Variants in PTPRN2 observed in about 807,000 individuals in gnomAD.
The protein encoded by PTPRN2 is protein tyrosine phosphatase receptor type N2.
Under a neutral mutation model 118.8 loss-of-function variants are expected in PTPRN2, and 74 were observed. That is an observed-to-expected ratio of 0.62 (90% CI 0.52 to 0.76). The LOEUF is 0.76. Among genes scored for constraint, PTPRN2 ranks in the 30% least tolerant of loss-of-function variants. The pLI, the probability that PTPRN2 is intolerant of heterozygous loss-of-function variation, is 0.00. For synonymous variants in PTPRN2, 641 were observed against 608.0 expected, an observed-to-expected ratio of 1.05 and a Z score of -0.80; for missense variants, 1,481 against 1,394.4, an observed-to-expected ratio of 1.06 and a Z score of -0.99.
At chr7:157,739,519 T>C (rs1043753721) in intron 12 of PTPRN2, 1 of 152,198 alleles carries the variant, frequency 6.6e-6, no homozygotes, top group African/African-American at 2.4e-5. Context: ...TTGAGGGTAG[T>C]ATCTTGGAGT....
At chr7:158,500,952 A>C (rs1822315981) in intron 1 of PTPRN2, among the ~76,000 whole-genome samples, 1 of 152,230 alleles carries the variant, frequency 6.6e-6, no homozygotes, top group South Asian at 2.1e-4. Context: ...AGCGGCTTGC[A>C]CACGCGAGGG....
Position 158,340,801 on chromosome 7 carries a change from C to T in PTPRN2, c.164-23869G>A, listed in dbSNP as rs1263573597. Among the ~76,000 whole-genome samples the T allele has an allele frequency of 2.3e-5, 2 of 86,404 alleles. 1 individual carries two copies. The highest frequency in any genetic ancestry group is 9.4e-5 in the African/African-American group (2 of 21,306). 56.7% of individuals were successfully genotyped at this position (86,404 alleles called of 152,430 possible). On this transcript the variant is annotated intron_variant, in intron 2 of 22. Coordinates refer to ENST00000389418, the MANE Select transcript of PTPRN2 (RefSeq NM_002847.5). ...TAATTGGTGACACCTGCAGACGTCA[C>T]TCACACCCACACATGTCACTCACAC...
At chr7:157,561,077 C>T (rs1234917242) in intron 21 of PTPRN2, among the ~76,000 whole-genome samples, 4 of 152,150 alleles carry the variant, frequency 2.6e-5, no homozygotes, top group African/African-American at 4.8e-5. Flanking sequence ...CTCTTAGTCC[C>T]GCACTGCCTG....
At chr7:157,885,277 C>T (rs568010741) in intron 12 of PTPRN2, among the ~76,000 whole-genome samples, 20 of 152,282 alleles carry the variant, frequency 1.3e-4, no homozygotes, top group African/African-American at 2.2e-4. Flanking sequence ...TTCACTGTCT[C>T]GGGAGCAAGG....
In PTPRN2 at chr7:157,785,882, G is replaced by GT. The variant is rs372451314; in HGVS notation, c.1789-102946dup. On this transcript the variant is annotated intron_variant, in intron 12 of 22. Transcript: ENST00000389418. This position sits in a 1 kb window ranked among gnomAD's most constrained non-coding sequence, Gnocchi z 7.3. ...GTTTTCCTGGAGTTCATAATCACTG[G>GT]TTTTTTTTGTGTGCGTGTTCACCAG... 1.3e-4 allele frequency among the ~76,000 whole-genome samples: 20 copies of GT among 151,992 alleles called. No individual in the cohort carries two copies. The highest frequency in any genetic ancestry group is 2.4e-4 in the African/African-American group (10 of 41,488).
intron 1 of PTPRN2, among the ~76,000 whole-genome samples, chr7:158,571,521 A>ATTTC (rs145109547): frequency 8.4e-6 from 1 of 119,666 alleles, no homozygotes; most frequent in African/African-American, 3.1e-5. Flanking sequence ...ACACACACCT[A>ATTTC]TTTCTTTTTT....
chr7:158,105,896 G>A (rs575896513), intron 10 of PTPRN2, among the ~76,000 whole-genome samples: 16 of 148,758 alleles, frequency 1.1e-4, no homozygotes, highest in Admixed American at 2.0e-4. Context: ...CTCTATACCC[G>A]GCTCCATCAC....
At chr7:157,758,636 C>T (rs1339795093) in intron 12 of PTPRN2, among the ~76,000 whole-genome samples, 2 of 152,208 alleles carry the variant, frequency 1.3e-5, no homozygotes, top group Non-Finnish European at 2.9e-5. Flanking sequence ...CCCTGGAGGA[C>T]GGGACTGGCA....
chr7:158,055,967 C>T lies in PTPRN2; in HGVS notation c.1723+25331G>A, dbSNP rs192276310. ...CTGTGGGGCTGGACCCTACACAGAG[C>T]GACACTTCTAACGGGGCCCTGTTCC... On this transcript the variant is annotated intron_variant, in intron 11 of 22. Transcript: ENST00000389418. Among the ~76,000 whole-genome samples, 736 of 152,296 alleles carry T rather than the reference C, an allele frequency of 4.8e-3. 8 individuals are homozygous for T. The highest frequency in any genetic ancestry group is 0.017 in the African/African-American group (700 of 41,560).
At chr7:157,637,946 T>G (rs953021906) in intron 14 of PTPRN2, among the ~76,000 whole-genome samples, 16 of 152,268 alleles carry the variant, frequency 1.1e-4, no homozygotes, top group Admixed American at 1.0e-3. Flanking sequence ...GAGACATGCA[T>G]GTCTTCTTCC....
intron 9 of PTPRN2, 27 bp from the exon 10 acceptor site, chr7:158,110,942 C>T: frequency 1.3e-6 from 2 of 1,531,292 alleles, no homozygotes; most frequent in South Asian, 2.4e-5. Flanking sequence ...GGATGGGGAG[C>T]AGTCACCACA....
intron 1 of PTPRN2, chr7:158,540,017 G>A (rs574115098): frequency 2.9e-5 from 8 of 271,534 alleles, no homozygotes; most frequent in East Asian, 1.3e-4. Flanking sequence ...AGCTGGTGAC[G>A]GCTGGGGACA....
chr7:157,660,636 A>G (rs892436468), intron 13 of PTPRN2, among the ~76,000 whole-genome samples: 5 of 152,232 alleles, frequency 3.3e-5, no homozygotes, highest in Admixed American at 3.3e-4. Flanking sequence ...GAAAGCCTCA[A>G]GCATTCATGA....
intron 4 of PTPRN2, among the ~76,000 whole-genome samples, chr7:158,195,450 G>A (rs1254676308): frequency 1.3e-5 from 2 of 151,866 alleles, no homozygotes; most frequent in African/African-American, 4.8e-5. Flanking sequence ...TCTTTTTTAG[G>A]GGGCTTATTG....
chr7:158,145,421 C>T (rs938942518), intron 6 of PTPRN2, among the ~76,000 whole-genome samples: 2 of 152,244 alleles, frequency 1.3e-5, no homozygotes, highest in African/African-American at 4.8e-5. Context: ...ACAGTGAGCG[C>T]CACACTCAAC....
chr7:158,532,905 C>T (rs1825361684), intron 1 of PTPRN2: 13 of 483,982 alleles, frequency 2.7e-5, no homozygotes, highest in Admixed American at 2.5e-4. Context: ...GGCCAGGCTC[C>T]ACCACACCTG....
chr7:158,352,048 A>T (rs71544576), intron 2 of PTPRN2, among the ~76,000 whole-genome samples: 161 of 9,562 alleles, frequency 0.017, no homozygotes, highest in African/African-American at 0.028. Context: ...TCCCCTCCTG[A>T]CCGCTCCCCT....
At chr7:158,498,656 A>G (rs541043267) in intron 1 of PTPRN2, among the ~76,000 whole-genome samples, 1 of 152,376 alleles carries the variant, frequency 6.6e-6, no homozygotes, top group African/African-American at 2.4e-5. Context: ...GGACTAAGAA[A>G]ACATTTCTAA....
Position 157,656,461 on chromosome 7 carries a change from T to G in PTPRN2, c.2092A>C (p.Ser698Arg). The G allele has an allele frequency of 6.4e-7, 1 of 1,554,382 alleles. No homozygotes were observed. The highest frequency in any genetic ancestry group is 1.2e-5 in the South Asian group (1 of 84,590). ...GAGGGGCTGGGGATCGGCCCGTCGC[T>G]GAACTGGGATGAGACGCTGCTGATG... ...SRISSVSSQF[S>R]DGPIPSPSAR... is the part of the protein sequence containing the mutation. The change falls in exon 14 of 23, where the codon AGC (serine) becomes CGC (arginine). Residue 698 changes from serine (S) to arginine (R), a missense_variant. Physicochemically the swap from Ser to Arg is moderately radical, Grantham distance 110 (BLOSUM62 -1). Around this residue, in one of 3 missense-constraint regions of PTPRN2, gnomAD observed 1,115 missense variants for 994.2 expected, o/e 1.12. Coordinates refer to ENST00000389418, the MANE Select transcript of PTPRN2 (RefSeq NM_002847.5).
Sources: allele counts gnomAD v4.1 joint callset (sites outside exome capture counted in the v4.1 genomes callset), GRCh38; gene constraint gnomAD v4.1.1; regional missense constraint gnomAD v4.1.1; non-coding constraint Gnocchi (gnomAD v3.1); transcripts MANE v1.5; gene names NCBI Gene and HGNC (gene_info 2026-07-23, HGNC 2026-07-21).